Variants in PTPN11 observed in about 807,000 individuals in gnomAD.
PTPN11 encodes the protein tyrosine-protein phosphatase non-receptor type 11.
A neutral mutation model predicts 78.8 loss-of-function variants in PTPN11; 6 were observed. The observed-to-expected ratio is 0.08, with a 90% CI of 0.04 to 0.15. PTPN11 has a LOEUF of 0.15. Among genes scored for constraint, PTPN11 ranks in the 10% least tolerant of loss-of-function variants. The pLI is 1.00. For missense variants in PTPN11, 386 were observed against 744.8 expected, an observed-to-expected ratio of 0.52 and a Z score of 5.61; for synonymous variants, 221 against 263.5, an observed-to-expected ratio of 0.84 and a Z score of 1.56.
At chr12:112,465,639 C>T (rs1234088493) in intron 6 of PTPN11, among the ~76,000 whole-genome samples, 2 of 152,126 alleles carry the variant, frequency 1.3e-5, no homozygotes. Context: ...AGTATCCTTG[C>T]TCTCCATACA....
chr12:112,506,856 A>G lies in PTPN11; in HGVS notation c.*1064A>G, dbSNP rs184934232. 5.9e-6 allele frequency: 1 copy of G among 170,086 alleles called. No homozygotes were observed. Among genetic ancestry groups the G allele is most frequent in the Admixed American group, 5.7e-5 (1 of 17,478 alleles). The allele number at this position is 170,086 out of a possible 1,614,324, so 10.5% of individuals were successfully genotyped here. On this transcript the variant is annotated 3_prime_UTR_variant, in exon 16 of 16. Coordinates refer to ENST00000351677, the MANE Select transcript of PTPN11 (RefSeq NM_002834.5). ...TAGCTAGACCTCTCACATGCAGCTCAGAGCTCCCAAGAGCTCAAAAGCAGA... is the reference window on the plus strand; with the variant it reads ...TAGCTAGACCTCTCACATGCAGCTCGGAGCTCCCAAGAGCTCAAAAGCAGA...
At chr12:112,478,060 T>C (rs762771413) in intron 9 of PTPN11, 45 bp downstream of exon 9, 3 of 1,599,888 alleles carry the variant, frequency 1.9e-6, no homozygotes, top group South Asian at 1.1e-5. Flanking sequence ...TTTTAAAGTA[T>C]CAGACATGTC....
intron 6 of PTPN11, among the ~76,000 whole-genome samples, chr12:112,456,667 C>T (rs950223630): frequency 2.0e-5 from 3 of 151,688 alleles, no homozygotes; most frequent in Non-Finnish European, 2.9e-5. Flanking sequence ...GCAGTGTTGC[C>T]CAGGCTGGTC....
At chr12:112,498,997 T>G (rs2038843081) in intron 13 of PTPN11, among the ~76,000 whole-genome samples, 1 of 152,238 alleles carries the variant, frequency 6.6e-6, no homozygotes, top group South Asian at 2.1e-4. Context: ...TCACTTTATG[T>G]ATTAATAGAA....
rs751437780 is a variant in PTPN11 at position 112,450,353 on chromosome 12, A to G, written c.173A>G (p.Asn58Ser). 103 of 1,613,116 alleles carry G rather than the reference A, an allele frequency of 6.4e-5. No individual in the cohort carries two copies. The highest frequency in any genetic ancestry group is 1.6e-4 in the Middle Eastern group (1 of 6,078). The change falls in exon 3 of 16, where the codon AAC (asparagine) becomes AGC (serine). Residue 58 changes from asparagine (N) to serine (S), a missense_variant. This residue lies in a region of PTPN11 where 279 missense variants were observed against 503.3 expected (regional missense o/e 0.55). Transcript: ENST00000351677. The part of the protein sequence containing the change: ...NGAVTHIKIQ[N>S]TGDYYDLYGG... ...GCTGTCACCCACATCAAGATTCAGAACACTGGTGATTACTATGACCTGTAT... is the reference window on the plus strand; with the variant it reads ...GCTGTCACCCACATCAAGATTCAGAGCACTGGTGATTACTATGACCTGTAT...
At chr12:112,434,940 C>T (rs1249430644) in intron 1 of PTPN11, among the ~76,000 whole-genome samples, 1 of 151,884 alleles carries the variant, frequency 6.6e-6, no homozygotes, top group Non-Finnish European at 1.5e-5. Context: ...GCACGCACCA[C>T]CATGCCCAGT....
chr12:112,469,362 CT>C (rs140898125), intron 6 of PTPN11, among the ~76,000 whole-genome samples: 69 of 142,958 alleles, frequency 4.8e-4, no homozygotes, highest in South Asian at 4.4e-4. Flanking sequence ...TTGCCTGTGT[CT>C]TTTTTTTTTT....
At chr12:112,493,062 C>CT (rs201075832) in intron 13 of PTPN11, among the ~76,000 whole-genome samples, 144 of 143,194 alleles carry the variant, frequency 1.0e-3, no homozygotes, top group Admixed American at 1.6e-3. Context: ...ATCTCAGTTA[C>CT]TTTTTTTTTT....
Position 112,450,325 on chromosome 12 carries a change from G to C in PTPN11, c.145G>C (p.Gly49Arg), listed in dbSNP as rs2135861867. 1 of 1,607,836 alleles carries C rather than the reference G, an allele frequency of 6.2e-7. No individual in the cohort carries two copies. Among genetic ancestry groups the C allele is most frequent in the Non-Finnish European group, 8.5e-7 (1 of 1,174,346 alleles). The change falls in exon 3 of 16, where the codon GGA becomes CGA. Residue 49 changes from glycine to arginine, a missense_variant. Gly to Arg is a moderately radical substitution (Grantham distance 125, BLOSUM62 -2). Transcript: ENST00000351677. ...GDFTLSVRRN[G>R]AVTHIKIQNT... is the part of the protein sequence containing the mutation. ...TCCAATGGACTATTTTAGAAGAAAT[G>C]GAGCTGTCACCCACATCAAGATTCA... is the stretch of plus-strand genomic sequence containing the variant.
At chr12:112,486,295 G>A (rs951740452) in intron 10 of PTPN11, among the ~76,000 whole-genome samples, 180 bp from the exon 11 acceptor site, 1 of 152,202 alleles carries the variant, frequency 6.6e-6, no homozygotes, top group African/African-American at 2.4e-5. Context: ...GAGGCAAAGA[G>A]TTGCCTCCAG....
intron 13 of PTPN11, among the ~76,000 whole-genome samples, chr12:112,499,384 C>T (rs2038847624): frequency 6.6e-6 from 1 of 151,448 alleles, no homozygotes; most frequent in South Asian, 2.1e-4. Context: ...CTCAAGTCAC[C>T]CAGGCTGGAG....
In PTPN11 at chr12:112,482,597, GC is replaced by G. The variant is rs1399033919; in HGVS notation, c.1224+394del. Among the ~76,000 whole-genome samples, 1 of 152,168 alleles carries G rather than the reference GC, an allele frequency of 6.6e-6. No individual in the cohort carries two copies. Among genetic ancestry groups the G allele is most frequent in the Non-Finnish European group, 1.5e-5 (1 of 68,032 alleles). On this transcript the variant is annotated intron_variant, in intron 10 of 15. Transcript: ENST00000351677. The surrounding 1 kb of genome is among the most constrained non-coding windows in gnomAD (Gnocchi z 4.4). ...GAGTGGCTACAAGGTCTGTTAGGAG[GC>G]CTCCGCAGGGGCCTATGTTGATGGC...
At chr12:112,419,247 G>A (rs1008297952) in intron 1 of PTPN11, 122 bp downstream of exon 1, 1 of 1,085,842 alleles carries the variant, frequency 9.2e-7, no homozygotes, top group South Asian at 2.4e-5. Flanking sequence ...CGGGGTTGGG[G>A]GCCGGTTCCC....
intron 7 of PTPN11, among the ~76,000 whole-genome samples, chr12:112,475,414 G>T (rs1328914533): frequency 2.6e-5 from 4 of 151,918 alleles, no homozygotes; most frequent in Non-Finnish European, 4.4e-5. Flanking sequence ...ATGTTTTATT[G>T]ATTGATTGAT....
chr12:112,502,780 G>C (rs1434578988), intron 14 of PTPN11, among the ~76,000 whole-genome samples: 1 of 152,082 alleles, frequency 6.6e-6, no homozygotes, highest in Non-Finnish European at 1.5e-5. Flanking sequence ...TTCCTAAACT[G>C]AAGGCTGACT....
intron 1 of PTPN11, among the ~76,000 whole-genome samples, chr12:112,428,527 C>G (rs145534969): frequency 1.3e-4 from 20 of 149,528 alleles, no homozygotes; most frequent in African/African-American, 4.9e-4. Context: ...TTCTCAGGGT[C>G]GAATGAACTC....
rs187347465 is a variant in PTPN11, at chr12:112,455,843, G to A, written c.643-107G>A. On this transcript the variant is annotated intron_variant, in intron 5 of 15. Coordinates refer to ENST00000351677, the MANE Select transcript of PTPN11 (RefSeq NM_002834.5). The stretch of plus-strand genomic sequence containing the variant: ...ACAGGGTCCTATGAACCCTCTGTCC[G>A]TGCCTTTATGAATATCAACATAGAC... 2.1e-5 allele frequency: 15 copies of A among 730,576 alleles called. No homozygotes were observed. In the East Asian group the frequency reaches 2.4e-4, roughly 12 times the overall value. The allele number at this position is 730,576 out of a possible 1,614,324, so 45.3% of individuals were successfully genotyped here.
At chr12:112,439,829 C>T (rs1178313985) in intron 1 of PTPN11, among the ~76,000 whole-genome samples, 1 of 150,910 alleles carries the variant, frequency 6.6e-6, no homozygotes, top group Non-Finnish European at 1.5e-5. Flanking sequence ...ACCATAAACC[C>T]AATATTCTGA....
intron 1 of PTPN11, among the ~76,000 whole-genome samples, chr12:112,439,326 C>T (rs1267726901): frequency 6.6e-6 from 1 of 152,044 alleles, no homozygotes; most frequent in Non-Finnish European, 1.5e-5. Context: ...CAGAGTCTCC[C>T]TCTTTTGCCG....
Sources: allele counts gnomAD v4.1 joint callset (sites outside exome capture counted in the v4.1 genomes callset), GRCh38; gene constraint gnomAD v4.1.1; regional missense constraint gnomAD v4.1.1; non-coding constraint Gnocchi (gnomAD v3.1); transcripts MANE v1.5; gene names NCBI Gene and HGNC (gene_info 2026-07-23, HGNC 2026-07-21).